Variants in TBCA observed in about 807,000 individuals in gnomAD.
The protein encoded by TBCA is tubulin-specific chaperone A.
A neutral mutation model predicts 15.8 loss-of-function variants in TBCA; 6 were observed. The ratio of observed to expected loss-of-function variants is 0.38; its 90% CI spans 0.21 to 0.75. The LOEUF (loss-of-function observed/expected upper bound fraction) is 0.75, where lower values mean the gene tolerates loss of function less well. TBCA is among the 30% of genes least tolerant of loss of function. The probability of loss-of-function intolerance (pLI) is 0.46; values close to 1 mark genes in which losing one functional copy is unlikely to be tolerated. For missense variants in TBCA, 90 were observed against 131.2 expected (o/e 0.69, Z 1.53); for synonymous variants, 32 against 42.3 (o/e 0.76, Z 0.94).
At chr5:77,692,967 T>C in intron 3 of TBCA, 4 of 1,330,370 alleles carry the variant, frequency 3.0e-6, no homozygotes, top group Non-Finnish European at 3.8e-6. Context: ...TCTTTATGTA[T>C]GAAAACCAAA....
At chr5:77,770,575 G>A (rs531482842) in intron 1 of TBCA, among the ~76,000 whole-genome samples, 28 of 61,860 alleles carry the variant, frequency 4.5e-4, no homozygotes, top group African/African-American at 4.4e-4. Context: ...ATCCTCCCCC[G>A]CTCCAAAAAA....
chr5:77,715,536 A>C (rs1277434557), intron 1 of TBCA, among the ~76,000 whole-genome samples: 2 of 152,190 alleles, frequency 1.3e-5, no homozygotes, highest in Non-Finnish European at 2.9e-5. Flanking sequence ...AAATAATTAG[A>C]AACTCCAGGA....
intron 1 of TBCA, among the ~76,000 whole-genome samples, chr5:77,761,407 T>A (rs1747636157): frequency 6.6e-6 from 1 of 152,172 alleles, no homozygotes; most frequent in African/African-American, 2.4e-5. Context: ...CGGTGCAAGA[T>A]GTGCTTTGTT....
chr5:77,721,330 T>A (rs1746523776), intron 1 of TBCA, among the ~76,000 whole-genome samples: 1 of 152,176 alleles, frequency 6.6e-6, no homozygotes, highest in South Asian at 2.1e-4. Context: ...CTTTGATATG[T>A]AATGTGTTTA....
intron 1 of TBCA, among the ~76,000 whole-genome samples, chr5:77,750,627 A>C (rs1272949777): frequency 6.6e-6 from 1 of 152,202 alleles, no homozygotes; most frequent in Non-Finnish European, 1.5e-5. Flanking sequence ...ATTGAAAAGA[A>C]AAAAATAGTA....
At chr5:77,755,561 G>A (rs574220151) in intron 1 of TBCA, among the ~76,000 whole-genome samples, 4 of 151,968 alleles carry the variant, frequency 2.6e-5, no homozygotes, top group East Asian at 1.9e-4. Flanking sequence ...GGCACAGAGC[G>A]AGACTCCATC....
chr5:77,738,972 A>C (rs164812), intron 1 of TBCA, among the ~76,000 whole-genome samples: 22,702 of 152,140 alleles, frequency 0.15, 2,222 homozygotes, highest in East Asian at 0.35. Flanking sequence ...CATGAAATCA[A>C]CCCAGTGGAC....
Position 77,729,146 on chromosome 5 carries a change from T to C in TBCA, c.54-20799A>G, listed in dbSNP as rs1370974970. Among the ~76,000 whole-genome samples the C allele has an allele frequency of 2.0e-5, 3 of 152,018 alleles. No homozygotes were observed. In the East Asian group the frequency reaches 5.8e-4, roughly 29 times the overall value. ...CTGGTCAACATGGTGAAACCTCATC[T>C]CTACTAAAAACATAAAAATTAGCTG... On this transcript the variant is annotated intron_variant, in intron 1 of 3. Coordinates refer to ENST00000380377, the MANE Select transcript of TBCA (RefSeq NM_004607.3).
At chr5:77,692,435 C>CATT (rs757164327) in intron 3 of TBCA, 332 of 948,840 alleles carry the variant, frequency 3.5e-4, no homozygotes, top group African/African-American at 1.8e-3. Flanking sequence ...CATCCAAATA[C>CATT]ATTATTATTA....
chr5:77,691,856 TA>T (rs200555399), intron 3 of TBCA: 40,141 of 1,005,672 alleles, frequency 0.04, 878 homozygotes, highest in South Asian at 0.045. Flanking sequence ...GAAGATTTAC[TA>T]ACATGTTACA....
intron 1 of TBCA, among the ~76,000 whole-genome samples, chr5:77,740,977 G>T (rs1318791046): frequency 6.6e-6 from 1 of 152,172 alleles, no homozygotes; most frequent in Non-Finnish European, 1.5e-5. Flanking sequence ...TAAGGGGGAA[G>T]AATATAGCAG....
intron 1 of TBCA, among the ~76,000 whole-genome samples, chr5:77,764,669 T>C (rs924924428): frequency 1.3e-5 from 2 of 152,250 alleles, no homozygotes; most frequent in African/African-American, 4.8e-5. Context: ...TTTTAGCACT[T>C]GAAGGATTAA....
Position 77,743,024 on chromosome 5 carries a change from A to G in TBCA, c.53+33181T>C, listed in dbSNP as rs540079759. Among the ~76,000 whole-genome samples the G allele has an allele frequency of 1.6e-4, 25 of 152,334 alleles. No homozygotes were observed. The South Asian group carries it at 5.2e-3, about 32-fold the overall frequency. ...TATCTACTGTATTTTACCCAGTCCC[A>G]TGCCATCTTCTATCAATATGCTAAG... On this transcript the variant is annotated intron_variant, in intron 1 of 3. Coordinates refer to ENST00000380377, the MANE Select transcript of TBCA (RefSeq NM_004607.3).
chr5:77,720,083 G>C (rs1746494661), intron 1 of TBCA, among the ~76,000 whole-genome samples: 1 of 152,036 alleles, frequency 6.6e-6, no homozygotes, highest in Admixed American at 6.6e-5. Flanking sequence ...ACTGAAGCAG[G>C]CTGAAAACTG....
At chr5:77,726,026 A>C (rs1033238376) in intron 1 of TBCA, among the ~76,000 whole-genome samples, 10 of 152,234 alleles carry the variant, frequency 6.6e-5, no homozygotes, top group African/African-American at 2.4e-4. Flanking sequence ...GAAAATGGAA[A>C]AAAGAATTAG....
intron 1 of TBCA, among the ~76,000 whole-genome samples, chr5:77,725,505 T>C (rs1724471200): frequency 6.6e-6 from 1 of 152,232 alleles, no homozygotes; most frequent in African/African-American, 2.4e-5. Flanking sequence ...ATTGCTATAA[T>C]AGAGTTTGAA....
intron 2 of TBCA, among the ~76,000 whole-genome samples, chr5:77,704,048 A>C (rs937984625): frequency 1.3e-5 from 2 of 152,138 alleles, no homozygotes; most frequent in Non-Finnish European, 2.9e-5. Flanking sequence ...TGCCATGATT[A>C]TAAGTTCCCT....
intron 1 of TBCA, among the ~76,000 whole-genome samples, chr5:77,751,405 C>CT (rs1554045847): frequency 2.0e-5 from 3 of 151,932 alleles, no homozygotes; most frequent in Non-Finnish European, 4.4e-5. Context: ...TCTCGAAATC[C>CT]TGACCTCAGG....
intron 1 of TBCA, among the ~76,000 whole-genome samples, chr5:77,748,545 G>C (rs889126239): frequency 5.3e-5 from 8 of 151,360 alleles, no homozygotes; most frequent in Admixed American, 2.0e-4. Flanking sequence ...TAATTTAAAT[G>C]GGTTAGCATC....
Sources: gnomAD v4.1 joint callset for allele counts (sites outside exome capture counted in the v4.1 genomes callset) on GRCh38, gnomAD v4.1.1 for gene constraint, MANE v1.5 for transcripts, NCBI Gene and HGNC (gene_info 2026-07-23, HGNC 2026-07-21) for gene names.